PCM1: variants seen among roughly 807,000 people sequenced by gnomAD.
PCM1 encodes pericentriolar material 1 protein.
In PCM1, 157 loss-of-function variants were observed where a neutral mutation model predicts 241.9. That is an observed-to-expected ratio of 0.65 (90% CI 0.57 to 0.74). PCM1 has a LOEUF of 0.74. Among genes scored for constraint, PCM1 ranks in the 30% least tolerant of loss-of-function variants. PCM1 has a pLI of 0.00. For synonymous variants in PCM1, 1,085 were observed against 784.9 expected (o/e 1.38, Z -6.39); for missense variants, 3,478 against 2,360.1 (o/e 1.47, Z -9.81).
intron 22 of PCM1, among the ~76,000 whole-genome samples, chr8:17,970,742 A>G (rs983601711): frequency 2.0e-5 from 3 of 152,186 alleles, no homozygotes; most frequent in African/African-American, 4.8e-5. Context: ...TTATTTTCAT[A>G]TAATTGATAG....
intron 31 of PCM1, among the ~76,000 whole-genome samples, 166 bp from the exon 32 acceptor site, chr8:18,010,443 G>C (rs2092315122): frequency 6.6e-6 from 1 of 152,034 alleles, no homozygotes; most frequent in Non-Finnish European, 1.5e-5. Context: ...GTTGCTAAGA[G>C]CTTGATGAAA....
At chr8:17,976,639 C>T (rs1050542965) in intron 23 of PCM1, among the ~76,000 whole-genome samples, 7 of 152,112 alleles carry the variant, frequency 4.6e-5, no homozygotes, top group Non-Finnish European at 7.4e-5. Context: ...TGCAAGGTCT[C>T]CAGAGTGCCA....
rs780234758 is a variant in PCM1, at chr8:18,006,289, G to A, written c.4854G>A (p.Ser1618=). The A allele has an allele frequency of 4.3e-6, 7 of 1,610,478 alleles. No individual in the cohort carries two copies. Among genetic ancestry groups the A allele is most frequent in the African/African-American group, 4.0e-5 (3 of 74,814 alleles). ...LKEHMDEVCS[S]QLLTSVRRMV... is the part of the protein sequence containing the mutation. ...AGCACATGGATGAAGTATGCTCCTC[G>A]CAGCTTCTAACTTCAGTAAGGCGCA... is the stretch of plus-strand genomic sequence containing the variant. The change falls in exon 30 of 39, where the codon TCG becomes TCA. Residue 1618 remains serine, a synonymous_variant. Coordinates refer to ENST00000325083, the MANE Select transcript of PCM1 (RefSeq NM_006197.4).
chr8:17,965,131 G>A (rs1431032914), intron 18 of PCM1, among the ~76,000 whole-genome samples: 2 of 152,180 alleles, frequency 1.3e-5, no homozygotes, highest in African/African-American at 2.4e-5. Context: ...ATTCTGAACT[G>A]CCAAATGGAA....
At chr8:18,003,136 C>T (rs142223186) in intron 29 of PCM1, among the ~76,000 whole-genome samples, 27 of 152,272 alleles carry the variant, frequency 1.8e-4, no homozygotes, top group African/African-American at 5.5e-4. Context: ...ATTTGTCTGC[C>T]TCTCCATGCT....
At chr8:17,952,823 G>A (rs1394340348) in intron 8 of PCM1, 147 bp from the exon 9 acceptor site, 1 of 507,216 alleles carries the variant, frequency 2.0e-6, no homozygotes, top group African/African-American at 1.9e-5. Context: ...TTTAATTTGG[G>A]AATAGTAAGG....
intron 36 of PCM1, among the ~76,000 whole-genome samples, chr8:18,022,190 G>A (rs899237580): frequency 2.0e-5 from 3 of 152,138 alleles, no homozygotes; most frequent in African/African-American, 7.2e-5. Context: ...ACCTATAGGT[G>A]ACTTAAAGAT....
chr8:18,002,071 T>C (rs2078707), intron 29 of PCM1, among the ~76,000 whole-genome samples: 2,175 of 72,272 alleles, frequency 0.03, 475 homozygotes, highest in African/African-American at 0.1. Context: ...TTTCTTTTTT[T>C]TTTTTTCTTT....
At chr8:17,964,812 A>G (rs570883512) in intron 18 of PCM1, 44 bp downstream of exon 18, 30 of 1,474,728 alleles carry the variant, frequency 2.0e-5, no homozygotes, top group Non-Finnish European at 2.7e-5. Flanking sequence ...TAAGAGGCTC[A>G]GGTCTTTTTG....
chr8:17,924,749 T>G lies in PCM1; in HGVS notation c.-54T>G, dbSNP rs1449094151. 1 of 152,176 alleles carries G rather than the reference T, an allele frequency of 6.6e-6. No individual in the cohort carries two copies. Among genetic ancestry groups the G allele is most frequent in the Non-Finnish European group, 1.5e-5 (1 of 68,022 alleles). 9.4% of individuals were successfully genotyped at this position (152,176 alleles called of 1,614,324 possible). A position where few individuals can be genotyped will look rare whatever the true frequency, so the allele number is the denominator to read the frequency against. On this transcript the variant is annotated 5_prime_UTR_variant, in exon 2 of 39. Transcript: ENST00000325083. ...GAAGTGTGGAGCGGGAAAGGAGCAG[T>G]TTCTGAGCTGCAAAAACTAGTTTCT...
chr8:17,971,430 T>G (rs945092430), intron 22 of PCM1, among the ~76,000 whole-genome samples: 80 of 152,332 alleles, frequency 5.3e-4, no homozygotes, highest in African/African-American at 1.9e-3. Flanking sequence ...TTTACAGACC[T>G]GTTTAACTTT....
rs1027249342 is a variant in PCM1 at position 17,964,567 on chromosome 8, G to A, written c.2655-1G>A. The stretch of plus-strand genomic sequence containing the variant: ...TCTGTTTTATGTCTCTTAATCACTA[G>A]AACGATGGCAACTTGGGGAGGGTCT... On this transcript the variant is annotated splice_acceptor_variant, in intron 17 of 38. Transcript: ENST00000325083. LOFTEE classifies it high-confidence loss of function. 1.9e-6 allele frequency: 3 copies of A among 1,611,888 alleles called. No individual in the cohort carries two copies. Among genetic ancestry groups the A allele is most frequent in the Non-Finnish European group, 2.5e-6 (3 of 1,178,472 alleles).
At chr8:17,951,864 G>C (rs145280319) in intron 8 of PCM1, among the ~76,000 whole-genome samples, 1 of 152,042 alleles carries the variant, frequency 6.6e-6, no homozygotes, top group Non-Finnish European at 1.5e-5. Flanking sequence ...AAGCATAATG[G>C]GAGATATTCA....
At position 17,991,513 on chromosome 8, in the gene PCM1, C is replaced by G. The variant is rs868024034; in HGVS notation, c.4532-29C>G. 14 of 1,545,716 alleles carry G rather than the reference C, an allele frequency of 9.1e-6. 1 individual carries two copies. In the Middle Eastern group the frequency reaches 2.0e-3, roughly 226 times the overall value. ...ATATGAAAAAGTTCACTTTTACATACTCAAAAAATATTTTTGTTCCAAATG... is the reference window on the plus strand; with the variant it reads ...ATATGAAAAAGTTCACTTTTACATAGTCAAAAAATATTTTTGTTCCAAATG... On this transcript the variant is annotated intron_variant, in intron 27 of 38. Transcript: ENST00000325083.
intron 23 of PCM1, among the ~76,000 whole-genome samples, chr8:17,979,620 G>A (rs1035688208): frequency 4.6e-5 from 7 of 152,124 alleles, no homozygotes; most frequent in African/African-American, 1.7e-4. Flanking sequence ...AAGCTATAAA[G>A]TATTTTTGAA....
At chr8:17,944,500 A>G (rs1386452628) in intron 6 of PCM1, among the ~76,000 whole-genome samples, 2 of 152,182 alleles carry the variant, frequency 1.3e-5, no homozygotes, top group African/African-American at 4.8e-5. Context: ...AAATTGGACT[A>G]CTACATATTT....
intron 38 of PCM1, among the ~76,000 whole-genome samples, chr8:18,027,245 C>T (rs957977644): frequency 6.7e-6 from 1 of 150,206 alleles, no homozygotes; most frequent in African/African-American, 2.4e-5. Context: ...CAGCCTCTTG[C>T]AAGTGTTTGA....
intron 5 of PCM1, 67 bp from the exon 6 acceptor site, chr8:17,939,624 T>C: frequency 2.5e-6 from 2 of 815,450 alleles, no homozygotes; most frequent in South Asian, 6.0e-5. Context: ...GCTATTGAAC[T>C]AATTATCCTT....
chr8:18,016,014 G>A (rs113327412), intron 36 of PCM1, among the ~76,000 whole-genome samples: 3,770 of 152,206 alleles, frequency 0.025, 168 homozygotes, highest in African/African-American at 0.087. Context: ...TCAGCCTCCC[G>A]AGTAGCTGGG....
Sources: allele counts gnomAD v4.1 joint callset (sites outside exome capture counted in the v4.1 genomes callset), GRCh38; gene constraint gnomAD v4.1.1; transcripts MANE v1.5; gene names NCBI Gene and HGNC (gene_info 2026-07-23, HGNC 2026-07-21).